The following CRYM variants were observed in gnomAD, a reference collection of about 807,000 sequenced individuals.
CRYM encodes the protein crystallin mu.
A neutral mutation model predicts 32.9 loss-of-function variants in CRYM; 18 were observed. The observed-to-expected ratio is 0.55, with a 90% CI of 0.38 to 0.81. The LOEUF (loss-of-function observed/expected upper bound fraction) is 0.81. Among genes scored for constraint, CRYM ranks in the 30% least tolerant of loss-of-function variants. The probability of loss-of-function intolerance (pLI) is 0.00; values close to 1 mark genes in which losing one functional copy is unlikely to be tolerated. For missense variants in CRYM, 337 were observed against 393.5 expected (o/e 0.86, Z 1.21); for synonymous variants, 153 against 152.4 (o/e 1.00, Z -0.03).
At position 21,275,541 on chromosome 16, in the gene CRYM, A is replaced by G. The variant is rs1422386100; in HGVS notation, c.378T>C (p.Ile126=). ...CAGCCATTCATCTTACCTTGGTGGC[A>G]ATGGCAGAAACTGCAGCTGTTCTCT... The part of the protein sequence containing the change: ...TAKRTAAVSA[I]ATKFLKPPSS... The change falls in exon 3 of 8, where the codon ATT becomes ATC. Residue 126 remains isoleucine (I), a synonymous_variant. Coordinates refer to ENST00000572914, the MANE Select transcript of CRYM (RefSeq NM_001376256.1). 2.5e-5 allele frequency: 40 copies of G among 1,613,908 alleles called. No individual in the cohort carries two copies. Among genetic ancestry groups the G allele is most frequent in the Non-Finnish European group, 3.1e-5 (36 of 1,179,898 alleles).
intron 1 of CRYM, among the ~76,000 whole-genome samples, chr16:21,286,993 G>A (rs1283048944): frequency 6.6e-6 from 1 of 152,050 alleles, no homozygotes; most frequent in East Asian, 1.9e-4. Flanking sequence ...GGGAGGCTGA[G>A]GCAGGAGAAT....
At chr16:21,298,465 T>C (rs1029932996) in intron 1 of CRYM, among the ~76,000 whole-genome samples, 2 of 152,224 alleles carry the variant, frequency 1.3e-5, no homozygotes, top group African/African-American at 2.4e-5. Flanking sequence ...AGGAAAATGA[T>C]GAATTATAAT....
intron 1 of CRYM, among the ~76,000 whole-genome samples, chr16:21,291,748 A>G (rs1486624684): frequency 6.6e-6 from 1 of 152,060 alleles, no homozygotes; most frequent in Admixed American, 6.6e-5. Flanking sequence ...CTTTTCTTTC[A>G]TTTATTGTTG....
At chr16:21,301,516 A>G (rs1013754871) in intron 1 of CRYM, among the ~76,000 whole-genome samples, 4 of 152,116 alleles carry the variant, frequency 2.6e-5, no homozygotes, top group African/African-American at 9.7e-5. Flanking sequence ...GGGAAGAAGT[A>G]ACGTTGGGCT....
intron 7 of CRYM, among the ~76,000 whole-genome samples, chr16:21,259,734 T>A (rs965861376): frequency 6.6e-6 from 1 of 152,220 alleles, no homozygotes; most frequent in Non-Finnish European, 1.5e-5. Flanking sequence ...TTGGTCCAGT[T>A]TGAATGCTGC....
intron 4 of CRYM, among the ~76,000 whole-genome samples, chr16:21,268,233 G>T (rs941536496): frequency 2.6e-5 from 4 of 152,314 alleles, no homozygotes; most frequent in Non-Finnish European, 5.9e-5. Context: ...GAGTTGTAAT[G>T]GGTGGGAGAT....
intron 3 of CRYM, among the ~76,000 whole-genome samples, chr16:21,271,576 A>G (rs978381116): frequency 2.6e-5 from 4 of 152,260 alleles, no homozygotes; most frequent in Non-Finnish European, 5.9e-5. Context: ...AATATAGTTT[A>G]ACGTCTCTGA....
At chr16:21,299,098 G>A (rs1960845782) in intron 1 of CRYM, among the ~76,000 whole-genome samples, 1 of 152,102 alleles carries the variant, frequency 6.6e-6, no homozygotes, top group South Asian at 2.1e-4. Context: ...TTTCACACGT[G>A]AGGCTATTCT....
At chr16:21,283,033 T>C (rs1229058106), upstream of CRYM, among the ~76,000 whole-genome samples, 1 of 152,092 alleles carries the variant, frequency 6.6e-6, no homozygotes, top group Admixed American at 6.5e-5. Flanking sequence ...GGTGTAAATC[T>C]CTTTTCCCCG....
At chr16:21,269,933 T>G in intron 3 of CRYM, 42 bp from the exon 4 acceptor site, 2 of 1,413,388 alleles carry the variant, frequency 1.4e-6, no homozygotes, top group Non-Finnish European at 2.0e-6. Flanking sequence ...AGGGAGACCC[T>G]AGCAGACGGG....
At chr16:21,273,898 G>A (rs919276009) in intron 3 of CRYM, among the ~76,000 whole-genome samples, 3 of 152,214 alleles carry the variant, frequency 2.0e-5, no homozygotes, top group African/African-American at 7.2e-5. Flanking sequence ...CTTCAGTTGA[G>A]TCAGGTCTGG....
At chr16:21,261,683 C>T (rs979975672) in intron 6 of CRYM, 62 of 460,416 alleles carry the variant, frequency 1.3e-4, no homozygotes, top group African/African-American at 7.9e-4. Flanking sequence ...TGATTATAAC[C>T]GTAAAATGAG....
At chr16:21,263,730 G>A (rs2093358816) in intron 5 of CRYM, among the ~76,000 whole-genome samples, 1 of 152,220 alleles carries the variant, frequency 6.6e-6, no homozygotes, top group African/African-American at 2.4e-5. Flanking sequence ...GAATGCAGAG[G>A]CTGCCACCAA....
At chr16:21,301,443 T>C (rs1244785289) in intron 1 of CRYM, 1 of 137,998 alleles carries the variant, frequency 7.2e-6, no homozygotes, top group African/African-American at 2.8e-5. Flanking sequence ...GGTGGGAGCA[T>C]GAGACGAGGT....
intron 1 of CRYM, chr16:21,299,813 A>G (rs570532164): frequency 2.4e-4 from 36 of 152,228 alleles, no homozygotes; most frequent in African/African-American, 8.7e-4. Context: ...TCCTCTATCC[A>G]CCCCTTCAAG....
chr16:21,277,331 G>A lies in CRYM; in HGVS notation c.324+100C>T, dbSNP rs920496945. The A allele has an allele frequency of 7.9e-6, 10 of 1,267,198 alleles. No homozygotes were observed. Among genetic ancestry groups the A allele is most frequent in the African/African-American group, 7.3e-5 (5 of 68,062 alleles). 78.5% of individuals were successfully genotyped at this position (1,267,198 alleles called of 1,614,324 possible). On this transcript the variant is annotated intron_variant, in intron 2 of 7. Coordinates refer to ENST00000572914, the MANE Select transcript of CRYM (RefSeq NM_001376256.1). This position sits in a 1 kb window ranked among gnomAD's most constrained non-coding sequence, Gnocchi z 4.2. The stretch of plus-strand genomic sequence containing the variant: ...TCCAGTCACTTGCAGAGGGGCACGC[G>A]TAGTCACAATCAAGACTCCCCCTGC...
intron 5 of CRYM, among the ~76,000 whole-genome samples, chr16:21,263,449 A>T (rs758666614): frequency 1.9e-4 from 29 of 152,076 alleles, no homozygotes; most frequent in Non-Finnish European, 4.1e-4. Flanking sequence ...TCCTGAGCTC[A>T]AGTGATCCTC....
At chr16:21,282,583 C>T (rs2093400035), upstream of CRYM, among the ~76,000 whole-genome samples, 1 of 152,064 alleles carries the variant, frequency 6.6e-6, no homozygotes, top group Admixed American at 6.5e-5. Context: ...TTTCTGACTC[C>T]CACATTACTA....
upstream of CRYM, among the ~76,000 whole-genome samples, chr16:21,279,754 ATT>A (rs2093394913): frequency 6.6e-6 from 1 of 152,224 alleles, no homozygotes; most frequent in Admixed American, 6.5e-5. Flanking sequence ...TACATAGGGC[ATT>A]TTGTAGGAAA....
Sources: allele counts gnomAD v4.1 joint callset (sites outside exome capture counted in the v4.1 genomes callset), GRCh38; gene constraint gnomAD v4.1.1; non-coding constraint Gnocchi (gnomAD v3.1); transcripts MANE v1.5; gene names NCBI Gene and HGNC (gene_info 2026-07-23, HGNC 2026-07-21).